The following GNG4 variants were observed in gnomAD, a reference collection of about 807,000 sequenced individuals.
GNG4 encodes guanine nucleotide-binding protein G(I)/G(S)/G(O) subunit gamma-4.
Under a neutral mutation model 5.8 loss-of-function variants are expected in GNG4, and 4 were observed. That is an observed-to-expected ratio of 0.69 (90% CI 0.34 to 1.57). The LOEUF is 1.57. Ranked by LOEUF, GNG4 falls within the 40% of genes most tolerant of loss-of-function variation. The pLI is 0.06. For missense variants in GNG4, 96 were observed against 95.1 expected (o/e 1.01, Z -0.04); for synonymous variants, 29 against 32.9 (o/e 0.88, Z 0.41).
intron 1 of GNG4, among the ~76,000 whole-genome samples, chr1:235,641,312 C>G (rs190764357): frequency 1.5e-3 from 225 of 152,292 alleles, no homozygotes; most frequent in Non-Finnish European, 2.8e-3. Context: ...CTCACTTGAA[C>G]TGGGGAGCTC....
chr1:235,623,212 C>A (rs1688744252), intron 1 of GNG4, among the ~76,000 whole-genome samples: 1 of 152,062 alleles, frequency 6.6e-6, no homozygotes, highest in African/African-American at 2.4e-5. Flanking sequence ...CAATTCTGAA[C>A]TGGGGCCCGT....
At chr1:235,607,309 C>T (rs1688383863) in intron 1 of GNG4, among the ~76,000 whole-genome samples, 1 of 150,914 alleles carries the variant, frequency 6.6e-6, no homozygotes, top group African/African-American at 2.5e-5. Flanking sequence ...TAAAAGATTA[C>T]TTAGTGCCAA....
At chr1:235,601,093 C>T (rs1319686243) in intron 1 of GNG4, among the ~76,000 whole-genome samples, 1 of 152,172 alleles carries the variant, frequency 6.6e-6, no homozygotes, top group Non-Finnish European at 1.5e-5. Context: ...GGGTAATGAC[C>T]CAGAGTCATG....
At chr1:235,595,117 G>A (rs963349495) in intron 2 of GNG4, among the ~76,000 whole-genome samples, 1 of 152,300 alleles carries the variant, frequency 6.6e-6, no homozygotes, top group African/African-American at 2.4e-5. Flanking sequence ...AGCAGCCCTC[G>A]GGGATGGCTC....
chr1:235,575,384 T>C (rs1687453460), intron 3 of GNG4, among the ~76,000 whole-genome samples: 1 of 152,228 alleles, frequency 6.6e-6, no homozygotes, highest in Non-Finnish European at 1.5e-5. Flanking sequence ...AAGGGCCATG[T>C]GTAGCCAGTT....
intron 3 of GNG4, among the ~76,000 whole-genome samples, chr1:235,579,710 G>A (rs1558482604): frequency 6.6e-6 from 1 of 152,032 alleles, no homozygotes; most frequent in Admixed American, 6.6e-5. Flanking sequence ...AATTAGCTGG[G>A]TGTAGTGGCT....
intron 1 of GNG4, among the ~76,000 whole-genome samples, chr1:235,609,257 C>A (rs542037051): frequency 1.1e-3 from 174 of 151,864 alleles, no homozygotes; most frequent in Non-Finnish European, 1.9e-3. Flanking sequence ...AGTTTATCGG[C>A]CCATCTGCTG....
At chr1:235,558,676 T>C (rs1223673464) in intron 3 of GNG4, among the ~76,000 whole-genome samples, 1 of 152,216 alleles carries the variant, frequency 6.6e-6, no homozygotes, top group Non-Finnish European at 1.5e-5. Flanking sequence ...GAACATAAAG[T>C]AGACAATTTG....
intron 3 of GNG4, among the ~76,000 whole-genome samples, chr1:235,561,391 G>A (rs975037683): frequency 6.6e-6 from 1 of 151,530 alleles, no homozygotes; most frequent in Non-Finnish European, 1.5e-5. Flanking sequence ...TCTTGCACGC[G>A]CTCGCGCTCT....
At position 235,642,541 on chromosome 1, in the gene GNG4, A is replaced by C. The variant is rs189965182; in HGVS notation, c.-123+7121T>G. ...CAACTGCTTCAACGCAGAAAGAATGAGTCATCCAGGAAGGCGAGGTGGTGG... is the reference window on the plus strand; with the variant it reads ...CAACTGCTTCAACGCAGAAAGAATGCGTCATCCAGGAAGGCGAGGTGGTGG... On this transcript the variant is annotated intron_variant, in intron 1 of 3. Transcript: ENST00000391854. The surrounding 1 kb of genome is among the most constrained non-coding windows in gnomAD (Gnocchi z 4.3). 2.2e-3 allele frequency among the ~76,000 whole-genome samples: 332 copies of C among 151,522 alleles called. 1 individual carries two copies. Among genetic ancestry groups the C allele is most frequent in the African/African-American group, 7.7e-3 (319 of 41,276 alleles).
chr1:235,619,629 G>A (rs1458948508), intron 1 of GNG4, among the ~76,000 whole-genome samples: 1 of 152,116 alleles, frequency 6.6e-6, no homozygotes, highest in Non-Finnish European at 1.5e-5. Context: ...TAGGATTATG[G>A]TCCAGGTTAA....
rs1200655746 is a variant in GNG4 at position 235,580,739 on chromosome 1, GTT to G, written c.99+2999_99+3000del. 5.9e-4 allele frequency among the ~76,000 whole-genome samples: 58 copies of G among 98,030 alleles called. 1 individual carries two copies. Among genetic ancestry groups the G allele is most frequent in the African/African-American group, 2.5e-3 (55 of 22,024 alleles). The allele number at this position is 98,030 out of a possible 152,430, so 64.3% of individuals were successfully genotyped here. The stretch of plus-strand genomic sequence containing the variant: ...GCACAGCAACATGGCGGCCTATCCC[GTT>G]TTTTGTTTTTTTTTTTTTTTTTTTC... On this transcript the variant is annotated intron_variant, in intron 3 of 3. Transcript: ENST00000391854.
chr1:235,609,608 T>C (rs1688434508), intron 1 of GNG4, among the ~76,000 whole-genome samples: 1 of 152,160 alleles, frequency 6.6e-6, no homozygotes, highest in Non-Finnish European at 1.5e-5. Flanking sequence ...AGGTTGCAAG[T>C]ATAGCATAAA....
Position 235,551,592 on chromosome 1 carries a change from T to C in GNG4, c.*517A>G. On this transcript the variant is annotated 3_prime_UTR_variant, in exon 4 of 4. Coordinates refer to ENST00000391854, the MANE Select transcript of GNG4 (RefSeq NM_001098722.2). ...AAACAAAAGAAAACCATTCCAATCC[T>C]GTGGGTTGTTGTCTTTTTACTAGGA... 6.5e-6 allele frequency: 1 copy of C among 152,702 alleles called. No homozygotes were observed. The highest frequency in any genetic ancestry group is 1.5e-5 in the Non-Finnish European group (1 of 68,486). The allele number at this position is 152,702 out of a possible 1,614,324, so 9.5% of individuals were successfully genotyped here. A position where few individuals can be genotyped will look rare whatever the true frequency, so the allele number is the denominator to read the frequency against.
chr1:235,600,948 G>A (rs915023686), intron 1 of GNG4, among the ~76,000 whole-genome samples: 3 of 152,236 alleles, frequency 2.0e-5, no homozygotes, highest in Admixed American at 1.3e-4. Context: ...GGGCGGGCAC[G>A]CCGTAGCCAG....
intron 1 of GNG4, among the ~76,000 whole-genome samples, chr1:235,596,962 A>T (rs1688137782): frequency 6.6e-6 from 1 of 151,400 alleles, no homozygotes; most frequent in South Asian, 2.1e-4. Flanking sequence ...TTGAACTCCT[A>T]GGCTCAAGGG....
At chr1:235,631,594 A>G (rs113251536) in intron 1 of GNG4, among the ~76,000 whole-genome samples, 7,887 of 149,458 alleles carry the variant, frequency 0.053, 666 homozygotes, top group African/African-American at 0.18. Context: ...TTTTTCAGAC[A>G]GAGTCTTGCT....
At chr1:235,645,329 T>C (rs1657474763) in intron 1 of GNG4, among the ~76,000 whole-genome samples, 1 of 152,194 alleles carries the variant, frequency 6.6e-6, no homozygotes, top group African/African-American at 2.4e-5. Flanking sequence ...CTTCCCGCCA[T>C]CTAAGCTCAT....
At chr1:235,564,193 A>C (rs922558504) in intron 3 of GNG4, among the ~76,000 whole-genome samples, 9 of 152,194 alleles carry the variant, frequency 5.9e-5, no homozygotes, top group African/African-American at 2.2e-4. Flanking sequence ...ACACGTTCTC[A>C]TTTATAACTG....
Sources: gnomAD v4.1 joint callset for allele counts (sites outside exome capture counted in the v4.1 genomes callset) on GRCh38, gnomAD v4.1.1 for gene constraint, Gnocchi (gnomAD v3.1) non-coding constraint, MANE v1.5 for transcripts, NCBI Gene and HGNC (gene_info 2026-07-23, HGNC 2026-07-21) for gene names.